MB21D2: variants seen among roughly 807,000 people sequenced by gnomAD.
MB21D2 encodes nucleotidyltransferase MB21D2.
Under a neutral mutation model 33.3 loss-of-function variants are expected in MB21D2, and 9 were observed. The observed-to-expected ratio is 0.27, with a 90% CI of 0.16 to 0.47. The LOEUF (loss-of-function observed/expected upper bound fraction) is 0.47. Ranked by LOEUF, MB21D2 falls within the 20% of genes least tolerant of loss-of-function variation. The probability of loss-of-function intolerance (pLI) is 0.99; values close to 1 mark genes in which losing one functional copy is unlikely to be tolerated. For missense variants in MB21D2, 540 were observed against 624.6 expected (o/e 0.86, Z 1.44); for synonymous variants, 241 against 236.3 (o/e 1.02, Z -0.18).
At chr3:192,801,837 T>C (rs190904879) in intron 1 of MB21D2, among the ~76,000 whole-genome samples, 1 of 152,364 alleles carries the variant, frequency 6.6e-6, no homozygotes, top group Admixed American at 6.5e-5. Flanking sequence ...TATTAAAATA[T>C]GCTCTTTAAA....
chr3:192,909,255 CAA>C (rs552013602), intron 1 of MB21D2, among the ~76,000 whole-genome samples: 14 of 110,956 alleles, frequency 1.3e-4, no homozygotes, highest in African/African-American at 2.3e-4. Flanking sequence ...GACTCTGTCT[CAA>C]AAAAAAAAAA....
chr3:192,887,990 C>T (rs1316309475), intron 1 of MB21D2, among the ~76,000 whole-genome samples: 1 of 151,998 alleles, frequency 6.6e-6, no homozygotes, highest in Non-Finnish European at 1.5e-5. Flanking sequence ...GACGCGTAGG[C>T]TGCAAGCATT....
chr3:192,895,546 A>G lies in MB21D2; in HGVS notation c.211+22084T>C, dbSNP rs779583124. Among the ~76,000 whole-genome samples the G allele has an allele frequency of 1.4e-4, 21 of 152,226 alleles. 1 individual carries two copies. The highest frequency in any genetic ancestry group is 3.1e-4 in the Non-Finnish European group (21 of 68,046). ...GAAGGCCCACTTGGGCTTGGTTTAC[A>G]GAGTGGCTGGAATAAGCACACTGTT... On this transcript the variant is annotated intron_variant, in intron 1 of 1. Coordinates refer to ENST00000392452, the MANE Select transcript of MB21D2 (RefSeq NM_178496.4).
intron 1 of MB21D2, among the ~76,000 whole-genome samples, chr3:192,802,216 T>G (rs1711577156): frequency 6.6e-6 from 1 of 152,182 alleles, no homozygotes; most frequent in Non-Finnish European, 1.5e-5. Flanking sequence ...CAGCTCAGGA[T>G]ACTCTGAAGG....
chr3:192,869,847 T>C (rs1713252287), intron 1 of MB21D2, among the ~76,000 whole-genome samples: 2 of 152,138 alleles, frequency 1.3e-5, no homozygotes, highest in South Asian at 2.1e-4. Context: ...CCATCAGCAG[T>C]CTATAACCTG....
chr3:192,828,643 T>C lies in MB21D2; in HGVS notation c.212-28993A>G, dbSNP rs1436931412. Among the ~76,000 whole-genome samples, 239 of 35,304 alleles carry C rather than the reference T, an allele frequency of 6.8e-3. 28 individuals carry two copies. Among genetic ancestry groups the C allele is most frequent in the Middle Eastern group, 0.029 (2 of 68 alleles). 23.2% of individuals were successfully genotyped at this position (35,304 alleles called of 152,430 possible). On this transcript the variant is annotated intron_variant, in intron 1 of 1. Coordinates refer to ENST00000392452, the MANE Select transcript of MB21D2 (RefSeq NM_178496.4). ...ATATATATATATATATATATATATA[T>C]ATATATATATATATATATATTTTGA... is the stretch of plus-strand genomic sequence containing the variant.
intron 1 of MB21D2, among the ~76,000 whole-genome samples, chr3:192,862,364 T>C (rs1458766743): frequency 2.6e-5 from 4 of 152,236 alleles, no homozygotes; most frequent in Admixed American, 1.3e-4. Flanking sequence ...TTGTATTCCA[T>C]GTTCATTCGA....
chr3:192,853,999 T>C (rs576261084), intron 1 of MB21D2, among the ~76,000 whole-genome samples: 5 of 152,314 alleles, frequency 3.3e-5, no homozygotes, highest in African/African-American at 9.6e-5. Context: ...TCCCTCCCCA[T>C]GGGCTTCCCT....
At chr3:192,870,122 C>G (rs1459317366) in intron 1 of MB21D2, among the ~76,000 whole-genome samples, 1 of 151,988 alleles carries the variant, frequency 6.6e-6, no homozygotes, top group African/African-American at 2.4e-5. Context: ...CTTAGACACA[C>G]AATAACCTCA....
intron 1 of MB21D2, among the ~76,000 whole-genome samples, chr3:192,837,580 T>C (rs1712468100): frequency 6.6e-6 from 1 of 152,200 alleles, no homozygotes; most frequent in Non-Finnish European, 1.5e-5. Context: ...ACCTTGATTG[T>C]CAGACCTGAA....
intron 1 of MB21D2, among the ~76,000 whole-genome samples, chr3:192,808,364 G>T (rs556131393): frequency 6.6e-6 from 1 of 152,294 alleles, no homozygotes; most frequent in East Asian, 1.9e-4. Flanking sequence ...GGAAGAAGAG[G>T]AGTGAAAATT....
intron 1 of MB21D2, among the ~76,000 whole-genome samples, chr3:192,841,489 A>T (rs1712571183): frequency 6.6e-6 from 1 of 152,244 alleles, no homozygotes; most frequent in Non-Finnish European, 1.5e-5. Context: ...GCCATCTGAC[A>T]TGATGTTGAG....
intron 1 of MB21D2, among the ~76,000 whole-genome samples, chr3:192,810,036 A>G (rs1711752272): frequency 6.6e-6 from 1 of 152,190 alleles, no homozygotes. Context: ...GGTTGAGGAG[A>G]CAGGTGGAGG....
At chr3:192,819,382 C>G (rs1711995573) in intron 1 of MB21D2, among the ~76,000 whole-genome samples, 1 of 152,170 alleles carries the variant, frequency 6.6e-6, no homozygotes, top group Non-Finnish European at 1.5e-5. Context: ...GTTTCCAAAC[C>G]TAGCACAAGG....
chr3:192,874,995 C>A (rs1713398258), intron 1 of MB21D2, among the ~76,000 whole-genome samples: 1 of 145,684 alleles, frequency 6.9e-6, no homozygotes, highest in Non-Finnish European at 1.5e-5. Context: ...CCTAACTACA[C>A]CTTTGTAAAC....
chr3:192,834,538 G>A (rs147262311), intron 1 of MB21D2, among the ~76,000 whole-genome samples: 200 of 151,810 alleles, frequency 1.3e-3, no homozygotes, highest in African/African-American at 4.5e-3. Flanking sequence ...TCTCCTGTGG[G>A]GCCACTCCTT....
intron 1 of MB21D2, among the ~76,000 whole-genome samples, chr3:192,838,423 G>T (rs889761828): frequency 3.9e-4 from 55 of 141,964 alleles, no homozygotes; most frequent in African/African-American, 1.4e-3. Flanking sequence ...TAAATAATCT[G>T]TGGACTTTTT....
chr3:192,917,538 AG>A, intron 1 of MB21D2, 91 bp downstream of exon 1: 2 of 1,383,728 alleles, frequency 1.4e-6, no homozygotes, highest in Non-Finnish European at 2.0e-6. Flanking sequence ...GCAACCCAGA[AG>A]GGAAGAGGTC....
chr3:192,817,652 T>C (rs2108614912), intron 1 of MB21D2, among the ~76,000 whole-genome samples: 1 of 152,306 alleles, frequency 6.6e-6, no homozygotes, highest in South Asian at 2.1e-4. Context: ...TGGTGTAGTG[T>C]CCTTCCTGCA....
Sources: gnomAD v4.1 joint callset for allele counts (sites outside exome capture counted in the v4.1 genomes callset) on GRCh38, gnomAD v4.1.1 for gene constraint, MANE v1.5 for transcripts, NCBI Gene and HGNC (gene_info 2026-07-23, HGNC 2026-07-21) for gene names.